Variants in MTUS2 observed in about 807,000 individuals in gnomAD.
The protein encoded by MTUS2 is microtubule associated scaffold protein 2.
In MTUS2, 40 loss-of-function variants were observed where a neutral mutation model predicts 114.1. The ratio of observed to expected loss-of-function variants is 0.35; its 90% CI spans 0.27 to 0.46. The LOEUF (loss-of-function observed/expected upper bound fraction) is 0.46. MTUS2 is among the 20% of genes least tolerant of loss of function. MTUS2 has a pLI of 1.00. For missense variants in MTUS2, 1,679 were observed against 1,705.4 expected, an observed-to-expected ratio of 0.98 and a Z score of 0.27; for synonymous variants, 688 against 672.0, an observed-to-expected ratio of 1.02 and a Z score of -0.37.
At chr13:28,997,242 G>A (rs1223189437) in intron 2 of MTUS2, among the ~76,000 whole-genome samples, 2 of 152,174 alleles carry the variant, frequency 1.3e-5, no homozygotes, top group Admixed American at 6.5e-5. Context: ...TAGTTTGATT[G>A]CACTGTGGTC....
At chr13:29,483,043 G>T (rs746319086) in intron 10 of MTUS2, among the ~76,000 whole-genome samples, 7 of 152,210 alleles carry the variant, frequency 4.6e-5, no homozygotes, top group Non-Finnish European at 8.8e-5. Context: ...TGGAGATTAG[G>T]ATGATCCGTG....
At chr13:29,076,289 T>C (rs1889189494) in intron 4 of MTUS2, among the ~76,000 whole-genome samples, 1 of 152,246 alleles carries the variant, frequency 6.6e-6, no homozygotes, top group Non-Finnish European at 1.5e-5. Flanking sequence ...ATAAGTTTTT[T>C]ATTATGGTAT....
intron 9 of MTUS2, among the ~76,000 whole-genome samples, chr13:29,443,446 G>A (rs1361961994): frequency 6.6e-6 from 1 of 152,188 alleles, no homozygotes; most frequent in African/African-American, 2.4e-5. Context: ...TGAGTTTTGG[G>A]TTGAAATCTT....
At position 29,043,091 on chromosome 13, in the gene MTUS2, C is replaced by G. The variant is rs571320953; in HGVS notation, c.2446+8966C>G. Among the ~76,000 whole-genome samples, 13 of 151,504 alleles carry G rather than the reference C, an allele frequency of 8.6e-5. No homozygotes were observed. The South Asian group carries it at 2.7e-3, about 31-fold the overall frequency. ...TTGTCCTTTTTCCAATTTTTTGATG[C>G]AGGCACTGCTTTTGCTGTATCCCAA... is the stretch of plus-strand genomic sequence containing the variant. On this transcript the variant is annotated intron_variant, in intron 4 of 15. Coordinates refer to ENST00000612955, the MANE Select transcript of MTUS2 (RefSeq NM_001033602.4).
At chr13:29,010,457 G>A (rs1301773717) in intron 2 of MTUS2, among the ~76,000 whole-genome samples, 3 of 152,108 alleles carry the variant, frequency 2.0e-5, no homozygotes, top group Non-Finnish European at 4.4e-5. Context: ...ATTAATCAGA[G>A]GACTTACCAT....
chr13:28,939,727 G>A (rs188541442), intron 2 of MTUS2, among the ~76,000 whole-genome samples: 34 of 152,044 alleles, frequency 2.2e-4, no homozygotes, highest in African/African-American at 8.0e-4. Flanking sequence ...AACTAGGAAA[G>A]GTGAAAAACA....
chr13:29,462,866 A>T (rs1879608570), intron 9 of MTUS2, among the ~76,000 whole-genome samples: 1 of 152,066 alleles, frequency 6.6e-6, no homozygotes, highest in Admixed American at 6.6e-5. Context: ...GAAATTGAGA[A>T]GGTGCACCAG....
chr13:29,239,159 T>C (rs576081255), intron 5 of MTUS2, among the ~76,000 whole-genome samples: 50 of 152,302 alleles, frequency 3.3e-4, no homozygotes, highest in Non-Finnish European at 5.7e-4. Flanking sequence ...ATGTATTAAT[T>C]AGCTTGATTA....
At chr13:29,453,602 G>T (rs1467269020) in intron 9 of MTUS2, among the ~76,000 whole-genome samples, 1 of 152,144 alleles carries the variant, frequency 6.6e-6, no homozygotes, top group African/African-American at 2.4e-5. Context: ...GGAGGTAGGG[G>T]AAAAACAGCT....
intron 5 of MTUS2, among the ~76,000 whole-genome samples, chr13:29,143,417 C>T (rs1477325765): frequency 1.3e-5 from 2 of 152,124 alleles, no homozygotes; most frequent in Non-Finnish European, 2.9e-5. Context: ...AAATAAAAAC[C>T]TTGCTCCAAA....
At chr13:29,461,212 G>A (rs974245367) in intron 9 of MTUS2, among the ~76,000 whole-genome samples, 7 of 151,692 alleles carry the variant, frequency 4.6e-5, no homozygotes, top group African/African-American at 9.7e-5. Flanking sequence ...GGAAGGGGGG[G>A]TGAACTCATT....
At chr13:28,861,179 C>T (rs1593253032) in intron 2 of MTUS2, among the ~76,000 whole-genome samples, 1 of 152,134 alleles carries the variant, frequency 6.6e-6, no homozygotes, top group Admixed American at 6.5e-5. Flanking sequence ...ATGGTACGTA[C>T]AATGGGAAGT....
At chr13:29,316,896 G>A (rs924606155) in intron 6 of MTUS2, among the ~76,000 whole-genome samples, 3 of 152,064 alleles carry the variant, frequency 2.0e-5, no homozygotes, top group Non-Finnish European at 2.9e-5. Context: ...TGTAACTTCC[G>A]TTACAGCTCA....
intron 5 of MTUS2, among the ~76,000 whole-genome samples, chr13:29,279,914 C>T (rs4357793): frequency 0.98 from 148,929 of 152,354 alleles, 72,886 homozygotes; most frequent in East Asian, 1. Context: ...TTTTCATAAA[C>T]TGTTAAATAA....
chr13:29,060,346 G>T (rs1888353402), intron 4 of MTUS2, among the ~76,000 whole-genome samples: 1 of 151,796 alleles, frequency 6.6e-6, no homozygotes, highest in Admixed American at 6.6e-5. Context: ...GTTTTCTCCA[G>T]TTCCTTGTGG....
At chr13:29,465,097 C>T (rs1034291156) in intron 9 of MTUS2, among the ~76,000 whole-genome samples, 3 of 152,136 alleles carry the variant, frequency 2.0e-5, no homozygotes, top group Admixed American at 6.6e-5. Flanking sequence ...TTCAATAACC[C>T]TCTCTACACA....
chr13:29,202,514 GT>G (rs2139243875), intron 5 of MTUS2, among the ~76,000 whole-genome samples: 1 of 152,178 alleles, frequency 6.6e-6, no homozygotes, highest in African/African-American at 2.4e-5. Context: ...CTGTTGGTTT[GT>G]CAAACTCGTT....
At chr13:29,278,617 A>G (rs910783248) in intron 5 of MTUS2, among the ~76,000 whole-genome samples, 2 of 152,236 alleles carry the variant, frequency 1.3e-5, no homozygotes, top group South Asian at 2.1e-4. Context: ...CAGTGATGCT[A>G]CATTTACTAT....
intron 13 of MTUS2, 49 bp from the exon 14 acceptor site, chr13:29,498,369 G>T: frequency 1.2e-6 from 2 of 1,610,842 alleles, no homozygotes; most frequent in Non-Finnish European, 1.7e-6. Flanking sequence ...TTAATACTGG[G>T]TTTTGCCGGG....
Sources: gnomAD v4.1 joint callset for allele counts (sites outside exome capture counted in the v4.1 genomes callset) on GRCh38, gnomAD v4.1.1 for gene constraint, MANE v1.5 for transcripts, NCBI Gene and HGNC (gene_info 2026-07-23, HGNC 2026-07-21) for gene names.